Variants in PPP1CB observed in about 807,000 individuals in gnomAD.
PPP1CB encodes the protein serine/threonine-protein phosphatase PP1-beta catalytic subunit.
In PPP1CB, 2 loss-of-function variants were observed where a neutral mutation model predicts 43.7. That is an observed-to-expected ratio of 0.05 (90% CI 0.02 to 0.14). The LOEUF (loss-of-function observed/expected upper bound fraction) is 0.14. Among genes scored for constraint, PPP1CB ranks in the 10% least tolerant of loss-of-function variants. The probability of loss-of-function intolerance (pLI) is 1.00; values close to 1 mark genes in which losing one functional copy is unlikely to be tolerated. For missense variants in PPP1CB, 84 were observed against 398.0 expected, an observed-to-expected ratio of 0.21 and a Z score of 6.71; for synonymous variants, 136 against 135.6, an observed-to-expected ratio of 1.00 and a Z score of -0.02.
chr2:28,751,646 C>G (rs1356860460), upstream of PPP1CB: 1 of 179,308 alleles, frequency 5.6e-6, no homozygotes, highest in Admixed American at 6.5e-5. Context: ...GACGCACCTG[C>G]GCGAAGACGG....
chr2:28,751,877 A>G lies in PPP1CB; in HGVS notation c.-248A>G. On this transcript the variant is annotated 5_prime_UTR_variant, in exon 1 of 8. Coordinates refer to ENST00000395366, the MANE Select transcript of PPP1CB (RefSeq NM_002709.3). ...AGGAGGAGGTGGCGGCCTGGGTCTGACGCGGCCCTGTTCGAGGGGGCCTCT... is the reference window on the plus strand; with the variant it reads ...AGGAGGAGGTGGCGGCCTGGGTCTGGCGCGGCCCTGTTCGAGGGGGCCTCT... 1 of 571,038 alleles carries G rather than the reference A, an allele frequency of 1.8e-6. No individual in the cohort carries two copies. Among genetic ancestry groups the G allele is most frequent in the South Asian group, 1.8e-5 (1 of 55,290 alleles). 35.4% of individuals were successfully genotyped at this position (571,038 alleles called of 1,614,324 possible).
upstream of PPP1CB, chr2:28,751,801 T>G: frequency 2.4e-6 from 1 of 410,394 alleles, no homozygotes; most frequent in Non-Finnish European, 4.5e-6. Context: ...GCGCTGCGGG[T>G]GGGGCCGTCG....
At chr2:28,769,758 A>G (rs1313828463) in intron 1 of PPP1CB, among the ~76,000 whole-genome samples, 2 of 152,190 alleles carry the variant, frequency 1.3e-5, no homozygotes, top group Non-Finnish European at 2.9e-5. Flanking sequence ...TAATCAGTCA[A>G]AAGTGTATTT....
At chr2:28,756,749 A>G (rs945527919) in intron 1 of PPP1CB, among the ~76,000 whole-genome samples, 1 of 152,138 alleles carries the variant, frequency 6.6e-6, no homozygotes, top group African/African-American at 2.4e-5. Context: ...TGGCTTCCCA[A>G]AGTGTTGGGA....
In PPP1CB at chr2:28,800,226, C is replaced by CTTTTTTTTTTTTTTTTTTTTTTTTTT. The variant is rs55736905; in HGVS notation, c.*946_*947insTTTTTTTTTTTTTTTTTTTTTTTTTT. ...TTGGTTTTCTTTTTCTTTTTTCTTT[C>CTTTTTTTTTTTTTTTTTTTTTTTTTT]TTTTTTTTTTTTTTTTTTTTTTTGA... On this transcript the variant is annotated 3_prime_UTR_variant, in exon 8 of 8. Coordinates refer to ENST00000395366, the MANE Select transcript of PPP1CB (RefSeq NM_002709.3). 2.3e-4 allele frequency: 15 copies of CTTTTTTTTTTTTTTTTTTTTTTTTTT among 65,616 alleles called. No homozygotes were observed. The highest frequency in any genetic ancestry group is 3.0e-4 in the Non-Finnish European group (11 of 36,882). 4.1% of individuals were successfully genotyped at this position (65,616 alleles called of 1,614,324 possible).
chr2:28,757,349 GT>G (rs202106658), intron 1 of PPP1CB, among the ~76,000 whole-genome samples: 3 of 151,500 alleles, frequency 2.0e-5, no homozygotes, highest in East Asian at 1.9e-4. Flanking sequence ...TTGTGTAGAA[GT>G]TTTTTTTTGT....
At position 28,778,999 on chromosome 2, in the gene PPP1CB, G is replaced by A. The variant is rs1389815763; in HGVS notation, c.375G>A (p.Glu125=). Residue 125 remains glutamate (E), a synonymous_variant, in exon 3 of 8, where the codon GAG becomes GAA. Transcript: ENST00000395366. ...ENFFLLRGNH[E]CASINRIYGF... is the part of the protein sequence containing the mutation. ...TCTTTCTCTTAAGAGGAAACCATGA[G>A]TGTGCTAGCATCAATCGCATTTATG... is the stretch of plus-strand genomic sequence containing the variant. 2 of 1,609,832 alleles carry A rather than the reference G, an allele frequency of 1.2e-6. No homozygotes were observed. Among genetic ancestry groups the A allele is most frequent in the Admixed American group, 3.3e-5 (2 of 59,990 alleles).
intron 5 of PPP1CB, among the ~76,000 whole-genome samples, chr2:28,784,234 C>T (rs750878912): frequency 5.3e-5 from 8 of 152,044 alleles, no homozygotes; most frequent in Admixed American, 1.3e-4. Flanking sequence ...CTGTTGAGTC[C>T]TTATACCTAT....
At chr2:28,795,892 T>A (rs1161497240) in intron 7 of PPP1CB, among the ~76,000 whole-genome samples, 1 of 152,198 alleles carries the variant, frequency 6.6e-6, no homozygotes, top group Non-Finnish European at 1.5e-5. Flanking sequence ...GAATGGTATT[T>A]CCTAGGTTTT....
chr2:28,762,145 C>T (rs1385246509), intron 1 of PPP1CB, among the ~76,000 whole-genome samples: 2 of 152,016 alleles, frequency 1.3e-5, no homozygotes, highest in Non-Finnish European at 2.9e-5. Flanking sequence ...GTTAGCTGGG[C>T]GTGATGTCAC....
At chr2:28,791,832 T>G (rs1012036968) in intron 6 of PPP1CB, among the ~76,000 whole-genome samples, 2 of 152,326 alleles carry the variant, frequency 1.3e-5, no homozygotes, top group Non-Finnish European at 2.9e-5. Flanking sequence ...CTACGCTAGT[T>G]TGCATGGTCT....
At chr2:28,778,187 A>G (rs1265541430) in intron 2 of PPP1CB, among the ~76,000 whole-genome samples, 3 of 152,254 alleles carry the variant, frequency 2.0e-5, no homozygotes, top group East Asian at 1.9e-4. Context: ...ACATATTTCT[A>G]AAGGTTTACT....
intron 1 of PPP1CB, among the ~76,000 whole-genome samples, chr2:28,763,483 C>T (rs914860021): frequency 4.6e-5 from 7 of 151,788 alleles, no homozygotes; most frequent in Non-Finnish European, 1.0e-4. Context: ...CCTGAAATGT[C>T]TAGCCCTCAC....
chr2:28,788,006 G>T (rs1289823834), intron 5 of PPP1CB, among the ~76,000 whole-genome samples: 3 of 151,974 alleles, frequency 2.0e-5, no homozygotes, highest in African/African-American at 7.3e-5. Context: ...AATCCTCAGG[G>T]TCTCAGTAGA....
intron 5 of PPP1CB, among the ~76,000 whole-genome samples, chr2:28,788,331 T>G (rs1667316010): frequency 6.6e-6 from 1 of 152,242 alleles, no homozygotes; most frequent in Non-Finnish European, 1.5e-5. Flanking sequence ...ACTGGGTTGT[T>G]TGGTTATTCA....
chr2:28,767,839 C>T (rs930949807), intron 1 of PPP1CB, among the ~76,000 whole-genome samples: 1 of 152,182 alleles, frequency 6.6e-6, no homozygotes, highest in Non-Finnish European at 1.5e-5. Flanking sequence ...CAAACACTGG[C>T]ATTGGGCTAG....
At chr2:28,783,515 T>G (rs1013780921) in intron 4 of PPP1CB, among the ~76,000 whole-genome samples, 3 of 152,132 alleles carry the variant, frequency 2.0e-5, no homozygotes, top group Non-Finnish European at 2.9e-5. Flanking sequence ...CTCAGCACTT[T>G]GGGAGGCCAA....
At chr2:28,767,858 C>T (rs955621126) in intron 1 of PPP1CB, among the ~76,000 whole-genome samples, 1 of 152,142 alleles carries the variant, frequency 6.6e-6, no homozygotes, top group Non-Finnish European at 1.5e-5. Flanking sequence ...AGATTTGACC[C>T]CTTGGCCTTA....
At chr2:28,773,225 A>T (rs1042059446) in intron 1 of PPP1CB, among the ~76,000 whole-genome samples, 1 of 152,216 alleles carries the variant, frequency 6.6e-6, no homozygotes, top group Non-Finnish European at 1.5e-5. Context: ...AGTAGTAAGT[A>T]TGGTAGATAT....
Sources: allele counts gnomAD v4.1 joint callset (sites outside exome capture counted in the v4.1 genomes callset), GRCh38; gene constraint gnomAD v4.1.1; transcripts MANE v1.5; gene names NCBI Gene and HGNC (gene_info 2026-07-23, HGNC 2026-07-21).